The following FAM135B variants were observed in gnomAD, a reference collection of about 807,000 sequenced individuals.
FAM135B encodes the protein protein FAM135B.
A neutral mutation model predicts 127.7 loss-of-function variants in FAM135B; 43 were observed. That is an observed-to-expected ratio of 0.34 (90% CI 0.26 to 0.43). The LOEUF is 0.43. Among genes scored for constraint, FAM135B ranks in the 20% least tolerant of loss-of-function variants. The pLI is 1.00. For synonymous variants in FAM135B, 670 were observed against 665.1 expected (o/e 1.01, Z -0.11); for missense variants, 1,558 against 1,725.6 (o/e 0.90, Z 1.72).
At chr8:138,211,982 C>T (rs963763607) in intron 7 of FAM135B, among the ~76,000 whole-genome samples, 2 of 152,172 alleles carry the variant, frequency 1.3e-5, no homozygotes, top group Non-Finnish European at 2.9e-5. Flanking sequence ...GCAGGGCAAT[C>T]ACCTGAACCT....
intron 2 of FAM135B, among the ~76,000 whole-genome samples, chr8:138,315,851 G>T (rs1827049101): frequency 6.6e-6 from 1 of 152,068 alleles, no homozygotes; most frequent in African/African-American, 2.4e-5. Context: ...TAGTTACCGG[G>T]AACGGAGAAG....
At chr8:138,319,106 T>G (rs1430768201) in intron 2 of FAM135B, among the ~76,000 whole-genome samples, 5 of 151,996 alleles carry the variant, frequency 3.3e-5, no homozygotes, top group African/African-American at 9.7e-5. Flanking sequence ...TTTGTTGTTG[T>G]TGTTTGTTTG....
intron 11 of FAM135B, 24 bp from the exon 12 acceptor site, chr8:138,168,073 G>T: frequency 6.2e-7 from 1 of 1,601,634 alleles, no homozygotes; most frequent in Non-Finnish European, 8.5e-7. Context: ...GGCAGGGTGA[G>T]CGTCCAGGGA....
intron 1 of FAM135B, among the ~76,000 whole-genome samples, chr8:138,487,683 G>A (rs898162557): frequency 6.6e-6 from 1 of 151,908 alleles, no homozygotes; most frequent in Non-Finnish European, 1.5e-5. Context: ...CTTCTTTTCT[G>A]TTTCAACTGA....
At chr8:138,446,098 G>T (rs540289623) in intron 1 of FAM135B, among the ~76,000 whole-genome samples, 1 of 152,108 alleles carries the variant, frequency 6.6e-6, no homozygotes, top group Admixed American at 6.5e-5. Context: ...AACTTACAAC[G>T]GATGTGAAGG....
chr8:138,355,589 G>A (rs530821741), intron 2 of FAM135B, among the ~76,000 whole-genome samples: 3 of 152,246 alleles, frequency 2.0e-5, no homozygotes, highest in South Asian at 2.1e-4. Flanking sequence ...GGTTAAGAAA[G>A]TATCTCTCAC....
intron 6 of FAM135B, among the ~76,000 whole-genome samples, chr8:138,247,733 C>A (rs1821397008): frequency 6.6e-6 from 1 of 152,214 alleles, no homozygotes. Flanking sequence ...CTCAAAGCTG[C>A]TGGAGTCTTT....
intron 2 of FAM135B, among the ~76,000 whole-genome samples, chr8:138,316,820 A>G (rs1827132697): frequency 6.6e-6 from 1 of 151,928 alleles, no homozygotes; most frequent in Non-Finnish European, 1.5e-5. Context: ...CTCTACTAAA[A>G]ATAGAAAAAG....
intron 3 of FAM135B, chr8:138,308,928 C>T: frequency 2.4e-6 from 1 of 421,334 alleles, no homozygotes; most frequent in Non-Finnish European, 4.7e-6. Context: ...TACCTTGACC[C>T]TGAGAGCAGG....
intron 2 of FAM135B, among the ~76,000 whole-genome samples, chr8:138,328,575 G>T (rs1440474146): frequency 6.6e-6 from 1 of 152,008 alleles, no homozygotes; most frequent in Non-Finnish European, 1.5e-5. Flanking sequence ...GTATGGGATG[G>T]GTAACAAGGA....
Position 138,153,216 on chromosome 8 carries a change from C to T in FAM135B, c.1259G>A (p.Gly420Glu), listed in dbSNP as rs2130794786. ...EDRYVDCPAT[G>E]HNLSVYPNFD... is the part of the protein sequence containing the mutation. ...ATTAGGATAAACACTCAAGTTATGC[C>T]CTACAAAAAAAAAAGAAAGAAAATT... The change falls in exon 13 of 20, where the codon GGG (glycine) becomes GAG (glutamate). Residue 420 changes from glycine (G) to glutamate (E), a missense_variant and splice_region_variant. Transcript: ENST00000395297. 6 of 1,461,420 alleles carry T rather than the reference C, an allele frequency of 4.1e-6. No individual in the cohort carries two copies. The highest frequency in any genetic ancestry group is 5.4e-6 in the Non-Finnish European group (6 of 1,112,504). The allele number at this position is 1,461,420 out of a possible 1,614,324, so 90.5% of individuals were successfully genotyped here. A position where few individuals can be genotyped will look rare whatever the true frequency, so the allele number is the denominator to read the frequency against.
chr8:138,496,453 A>C, intron 1 of FAM135B, among the ~76,000 whole-genome samples: 1 of 152,140 alleles, frequency 6.6e-6, no homozygotes, highest in Admixed American at 6.5e-5. Flanking sequence ...CTCCTTTCAC[A>C]GCCCTGGCCC....
rs914061451 is a variant in FAM135B at position 138,361,361 on chromosome 8, C to A, written c.77+6546G>T. Among the ~76,000 whole-genome samples the A allele has an allele frequency of 4.6e-5, 7 of 152,158 alleles. No homozygotes were observed. In the East Asian group the frequency reaches 1.3e-3, roughly 29 times the overall value. ...TCTATTACTATCATTTAATGAAGAT[C>A]CATGTGACTCATCTGTAATTGAATA... On this transcript the variant is annotated intron_variant, in intron 2 of 19. Transcript: ENST00000395297.
chr8:138,472,857 T>C (rs1837758250), intron 1 of FAM135B, among the ~76,000 whole-genome samples: 1 of 152,154 alleles, frequency 6.6e-6, no homozygotes, highest in Admixed American at 6.5e-5. Context: ...GGTCTGTTAA[T>C]GCAGATGCAT....
intron 6 of FAM135B, among the ~76,000 whole-genome samples, chr8:138,248,439 A>T (rs778399574): frequency 6.6e-6 from 1 of 152,204 alleles, no homozygotes; most frequent in Non-Finnish European, 1.5e-5. Flanking sequence ...CCTTGAAGCA[A>T]GCATGTTTTC....
intron 1 of FAM135B, among the ~76,000 whole-genome samples, chr8:138,419,452 G>T (rs1268430382): frequency 6.6e-6 from 1 of 152,024 alleles, no homozygotes; most frequent in Non-Finnish European, 1.5e-5. Context: ...ATATCATCAA[G>T]GCAGGAAACT....
chr8:138,168,492 C>T (rs1820145211), intron 11 of FAM135B, among the ~76,000 whole-genome samples: 1 of 152,072 alleles, frequency 6.6e-6, no homozygotes, highest in Admixed American at 6.5e-5. Context: ...GAATTAAAAC[C>T]TATCTAAAAT....
chr8:138,462,369 C>A (rs556350381), intron 1 of FAM135B, among the ~76,000 whole-genome samples: 5 of 152,246 alleles, frequency 3.3e-5, no homozygotes, highest in Non-Finnish European at 5.9e-5. Flanking sequence ...CATCTAAGTT[C>A]TTTCAAGGAT....
rs1161157442 is a variant in FAM135B, at chr8:138,496,768, G to C, written c.-117C>G. 2.6e-5 allele frequency: 4 copies of C among 153,130 alleles called. No homozygotes were observed. Among genetic ancestry groups the C allele is most frequent in the Non-Finnish European group, 4.4e-5 (3 of 68,932 alleles). 9.5% of individuals were successfully genotyped at this position (153,130 alleles called of 1,614,324 possible). ...GCCGTCTCTGGCCGCCAACAGTTGC[G>C]GCGGCGGCGGCGGCGGGCGGACTGG... On this transcript the variant is annotated 5_prime_UTR_variant, in exon 1 of 20. Coordinates refer to ENST00000395297, the MANE Select transcript of FAM135B (RefSeq NM_015912.4).
Sources: gnomAD v4.1 joint callset for allele counts (sites outside exome capture counted in the v4.1 genomes callset) on GRCh38, gnomAD v4.1.1 for gene constraint, MANE v1.5 for transcripts, NCBI Gene and HGNC (gene_info 2026-07-23, HGNC 2026-07-21) for gene names.